Variants in PVT1 observed in about 807,000 individuals in gnomAD.
PVT1 encodes CXCR4/PVT1 fusion.
chr8:127,976,113 C>T (rs1392709265), intron 3 of PVT1, among the ~76,000 whole-genome samples: 1 of 152,212 alleles, frequency 6.6e-6, no homozygotes, highest in East Asian at 1.9e-4. Context: ...GAAATGCCCA[C>T]ATTCAACTCA....
chr8:127,800,555 A>G (rs1814452417), intron 2 of PVT1, among the ~76,000 whole-genome samples: 1 of 152,146 alleles, frequency 6.6e-6, no homozygotes, highest in African/African-American at 2.4e-5. Flanking sequence ...GTTTATTATT[A>G]TTATATTATT....
At chr8:128,063,730 T>C (rs1813861895) in intron 4 of PVT1, among the ~76,000 whole-genome samples, 1 of 152,038 alleles carries the variant, frequency 6.6e-6, no homozygotes, top group Non-Finnish European at 1.5e-5. Context: ...TGGGGAGATA[T>C]TGGCCAAAGG....
chr8:127,935,236 G>C (rs1816258868), intron 3 of PVT1, among the ~76,000 whole-genome samples: 1 of 152,054 alleles, frequency 6.6e-6, no homozygotes, highest in Non-Finnish European at 1.5e-5. Context: ...AAAGTGCTGG[G>C]ATTACAGGCG....
At chr8:127,894,649 C>G (rs1053605487) in intron 3 of PVT1, among the ~76,000 whole-genome samples, 1 of 152,234 alleles carries the variant, frequency 6.6e-6, no homozygotes, top group African/African-American at 2.4e-5. Context: ...TTGGTATGTG[C>G]GACCTGTGGT....
In PVT1 at chr8:127,861,337, C is replaced by CG. The variant is rs529457467; in HGVS notation, n.373-29251dup. Among the ~76,000 whole-genome samples, 372 of 152,198 alleles carry CG rather than the reference C, an allele frequency of 2.4e-3. 1 individual carries two copies. Among genetic ancestry groups the CG allele is most frequent in the Non-Finnish European group, 2.7e-3 (187 of 68,002 alleles). Reference sequence around the variant, plus strand: ...AAAAGCATGGGTGCAGGCTGGGCGCCGTGGCTCACACCTGTAATCCCAGCA... The same window carrying CG: ...AAAAGCATGGGTGCAGGCTGGGCGCCGGTGGCTCACACCTGTAATCCCAGCA... On this transcript the variant is annotated intron_variant and non_coding_transcript_variant, in intron 2 of 10. Coordinates refer to ENST00000651587, the Ensembl canonical transcript of PVT1.
At chr8:127,907,264 C>T (rs1042730107) in intron 3 of PVT1, among the ~76,000 whole-genome samples, 8 of 152,252 alleles carry the variant, frequency 5.3e-5, no homozygotes, top group Admixed American at 2.6e-4. Context: ...CCACCATGCC[C>T]GGCCTTCCCT....
At chr8:127,809,235 C>T (rs919070443) in intron 2 of PVT1, among the ~76,000 whole-genome samples, 6 of 151,972 alleles carry the variant, frequency 3.9e-5, no homozygotes, top group Non-Finnish European at 7.4e-5. Flanking sequence ...TCTGTTGCTT[C>T]AGGCAGGAGT....
chr8:127,922,040 T>C (rs1294243799), intron 3 of PVT1, among the ~76,000 whole-genome samples: 4 of 151,494 alleles, frequency 2.6e-5, no homozygotes, highest in African/African-American at 4.8e-5. Context: ...TTTGTATTTT[T>C]AGTAGAGACG....
chr8:127,990,920 TC>T (rs1817029813), intron 4 of PVT1, among the ~76,000 whole-genome samples: 1 of 152,160 alleles, frequency 6.6e-6, no homozygotes, highest in African/African-American at 2.4e-5. Context: ...CTCTCGTGAC[TC>T]TTGAAAGATG....
At chr8:128,075,399 A>C (rs1354084244) in intron 5 of PVT1, among the ~76,000 whole-genome samples, 1 of 152,188 alleles carries the variant, frequency 6.6e-6, no homozygotes, top group Non-Finnish European at 1.5e-5. Context: ...CAAATAGTGC[A>C]TGAATAGATC....
chr8:127,806,700 TC>T (rs1267019983), intron 2 of PVT1, among the ~76,000 whole-genome samples: 2 of 152,318 alleles, frequency 1.3e-5, no homozygotes, highest in East Asian at 3.9e-4. Context: ...ACAGCCAGTC[TC>T]CTTCTCCACC....
intron 4 of PVT1, among the ~76,000 whole-genome samples, chr8:128,007,327 T>C (rs372914631): frequency 1.3e-5 from 2 of 152,170 alleles, no homozygotes; most frequent in African/African-American, 4.8e-5. Context: ...TTGTACTGTG[T>C]ATATAAGATG....
At chr8:127,865,906 G>A (rs1044875052) in intron 2 of PVT1, among the ~76,000 whole-genome samples, 1 of 152,192 alleles carries the variant, frequency 6.6e-6, no homozygotes, top group African/African-American at 2.4e-5. Context: ...CCTTGTTTGG[G>A]TGTGATCATC....
At chr8:127,864,249 G>A (rs1469573162) in intron 2 of PVT1, among the ~76,000 whole-genome samples, 1 of 152,144 alleles carries the variant, frequency 6.6e-6, no homozygotes, top group Non-Finnish European at 1.5e-5. Context: ...TGGGTGAGCA[G>A]GGATGAAGGA....
intron 2 of PVT1, among the ~76,000 whole-genome samples, chr8:127,871,965 A>C (rs1815356094): frequency 6.6e-6 from 1 of 152,148 alleles, no homozygotes; most frequent in Non-Finnish European, 1.5e-5. Flanking sequence ...GGTGATGGGC[A>C]CCTGTAATCC....
chr8:128,093,486 G>A (rs1374312961), intron 5 of PVT1, among the ~76,000 whole-genome samples: 1 of 152,086 alleles, frequency 6.6e-6, no homozygotes, highest in Admixed American at 6.6e-5. Flanking sequence ...GAACATGGGA[G>A]GCGGAGGTTG....
intron 2 of PVT1, among the ~76,000 whole-genome samples, chr8:127,873,556 A>C (rs147621540): frequency 1.4e-3 from 219 of 152,240 alleles, no homozygotes; most frequent in African/African-American, 4.9e-3. Context: ...TGCAATTTGC[A>C]TGGATTGTCT....
chr8:128,081,967 C>A (rs150059626), intron 5 of PVT1, among the ~76,000 whole-genome samples: 1 of 152,018 alleles, frequency 6.6e-6, no homozygotes, highest in Non-Finnish European at 1.5e-5. Context: ...GTATTGAACA[C>A]CCCCCCTCAC....
rs71300289 is a variant in PVT1, at chr8:128,002,968, TCTTC to T, written n.912+13700_912+13703del. On this transcript the variant is annotated intron_variant and non_coding_transcript_variant, in intron 4 of 10. Coordinates refer to ENST00000651587, the Ensembl canonical transcript of PVT1. The stretch of plus-strand genomic sequence containing the variant: ...CTCTCTGCCTCCCTCCCTCCCTCCC[TCTTC>T]CTTCCTTCCTTCCTTCCTTCCTCCC... Among the ~76,000 whole-genome samples, 344 of 84,666 alleles carry T rather than the reference TCTTC, an allele frequency of 4.1e-3. 1 individual carries two copies. Among genetic ancestry groups the T allele is most frequent in the African/African-American group, 0.014 (299 of 21,378 alleles). The allele number at this position is 84,666 out of a possible 152,430, so 55.5% of individuals were successfully genotyped here.
Sources: allele counts gnomAD v4.1 joint callset (sites outside exome capture counted in the v4.1 genomes callset), GRCh38; gene constraint gnomAD v4.1.1; transcripts MANE v1.5; gene names NCBI Gene and HGNC (gene_info 2026-07-23, HGNC 2026-07-21).